ARID1B: variants seen among roughly 807,000 people sequenced by gnomAD.
ARID1B encodes AT-rich interactive domain-containing protein 1B.
A neutral mutation model predicts 212.3 loss-of-function variants in ARID1B; 30 were observed. The ratio of observed to expected loss-of-function variants is 0.14; its 90% CI spans 0.11 to 0.19. The LOEUF (loss-of-function observed/expected upper bound fraction) is 0.19. ARID1B is among the 10% of genes least tolerant of loss of function. The probability of loss-of-function intolerance (pLI) is 1.00; values close to 1 mark genes in which losing one functional copy is unlikely to be tolerated. For missense variants in ARID1B, 2,891 were observed against 3,204.0 expected, an observed-to-expected ratio of 0.90 and a Z score of 2.36; for synonymous variants, 1,402 against 1,301.7, an observed-to-expected ratio of 1.08 and a Z score of -1.66.
At chr6:157,064,820 T>G (rs2128415427) in intron 4 of ARID1B, among the ~76,000 whole-genome samples, 1 of 152,306 alleles carries the variant, frequency 6.6e-6, no homozygotes, top group African/African-American at 2.4e-5. Context: ...CCCCCTGCCC[T>G]TCAGCCCCGG....
At chr6:156,959,718 A>G (rs1165702186) in intron 4 of ARID1B, among the ~76,000 whole-genome samples, 1 of 152,052 alleles carries the variant, frequency 6.6e-6, no homozygotes, top group Admixed American at 6.5e-5. Context: ...TCCTTTTTAA[A>G]TATATGACCA....
upstream of ARID1B, chr6:156,776,896 G>A (rs1357101802): frequency 1.3e-5 from 2 of 151,424 alleles, no homozygotes; most frequent in Non-Finnish European, 3.0e-5. Context: ...CCGATGGCCC[G>A]AAATCAAGGC....
rs371872657 is a variant in ARID1B, at chr6:157,196,247, C to T, written c.4314C>T (p.Ser1438=). 8.9e-5 allele frequency: 144 copies of T among 1,613,326 alleles called. No individual in the cohort carries two copies. Among genetic ancestry groups the T allele is most frequent in the Middle Eastern group, 3.3e-4 (2 of 6,082 alleles). The change falls in exon 16 of 20, where the codon TCC becomes TCT. Residue 1438 remains serine (S), a synonymous_variant. Coordinates refer to ENST00000636930, the MANE Select transcript of ARID1B (RefSeq NM_001374828.1). ...AGGACATGTACAACCAAAGTCCCTC[C>T]GGAGCAATGTCTAACCTGGGCATGG... ...SMQDMYNQSP[S]GAMSNLGMGQ...
intron 7 of ARID1B, among the ~76,000 whole-genome samples, chr6:157,141,822 T>C (rs1271457822): frequency 2.0e-5 from 3 of 152,172 alleles, no homozygotes; most frequent in Non-Finnish European, 4.4e-5. Context: ...TCTCACACAG[T>C]ATTTGATGGG....
At chr6:156,808,169 A>T (rs1781311274) in intron 1 of ARID1B, among the ~76,000 whole-genome samples, 1 of 152,210 alleles carries the variant, frequency 6.6e-6, no homozygotes, top group Non-Finnish European at 1.5e-5. Context: ...TAATTGAGAG[A>T]TGAGAGCGTT....
chr6:157,094,391 G>C lies in ARID1B; in HGVS notation c.2491+9486G>C, dbSNP rs1017607994. The stretch of plus-strand genomic sequence containing the variant: ...TCTTTTTGAGAAGGAGTCTCACTCT[G>C]TCTTCCAGGCTAGAGTACAGTGGCA... On this transcript the variant is annotated intron_variant, in intron 5 of 19. Transcript: ENST00000636930. The surrounding 1 kb of genome is among the most constrained non-coding windows in gnomAD (Gnocchi z 4.3). 6.6e-6 allele frequency among the ~76,000 whole-genome samples: 1 copy of C among 152,114 alleles called. No individual in the cohort carries two copies. Among genetic ancestry groups the C allele is most frequent in the Admixed American group, 6.6e-5 (1 of 15,256 alleles).
intron 4 of ARID1B, among the ~76,000 whole-genome samples, chr6:156,984,215 C>T (rs2128386151): frequency 6.6e-6 from 1 of 152,258 alleles, no homozygotes. Flanking sequence ...CATGCTCCCA[C>T]AGCAGTCCGG....
intron 8 of ARID1B, among the ~76,000 whole-genome samples, chr6:157,157,893 C>G (rs555771198): frequency 6.6e-6 from 1 of 152,266 alleles, no homozygotes; most frequent in African/African-American, 2.4e-5. Flanking sequence ...CATGGTAGCG[C>G]ACACCTCTAG....
chr6:156,930,151 A>G (rs1791581183), intron 3 of ARID1B, among the ~76,000 whole-genome samples: 2 of 152,184 alleles, frequency 1.3e-5, no homozygotes, highest in South Asian at 4.1e-4. Context: ...CTCATGTCTA[A>G]TTGTAATCCT....
At chr6:157,101,640 CTTT>C (rs112437534) in intron 5 of ARID1B, among the ~76,000 whole-genome samples, 1 of 145,950 alleles carries the variant, frequency 6.9e-6, no homozygotes, top group Non-Finnish European at 1.5e-5. Context: ...AGTGAGTACT[CTTT>C]TTTTTTTTTA....
chr6:156,831,689 CTT>C (rs1562419579), intron 2 of ARID1B, among the ~76,000 whole-genome samples: 2 of 152,198 alleles, frequency 1.3e-5, no homozygotes, highest in African/African-American at 2.4e-5. Flanking sequence ...CCCTGTGACT[CTT>C]ATACACTTTT....
At chr6:157,036,583 C>T (rs1045039781) in intron 4 of ARID1B, 3 of 302,526 alleles carry the variant, frequency 9.9e-6, no homozygotes, top group Non-Finnish European at 6.5e-6. Flanking sequence ...CCACTACGTC[C>T]ACATGATGGC....
chr6:156,880,437 C>G (rs1786953076), intron 2 of ARID1B, among the ~76,000 whole-genome samples: 1 of 152,082 alleles, frequency 6.6e-6, no homozygotes, highest in Non-Finnish European at 1.5e-5. Context: ...GTAAGTTTTG[C>G]ATAAGACAAA....
In ARID1B at chr6:156,778,092, C is replaced by A. The variant is rs1196439495; in HGVS notation, c.412C>A (p.Pro138Thr). 3 of 1,540,490 alleles carry A rather than the reference C, an allele frequency of 1.9e-6. No homozygotes were observed. Among genetic ancestry groups the A allele is most frequent in the Non-Finnish European group, 2.6e-6 (3 of 1,146,306 alleles). ...AAASSSSSSG[P>T]GSAMETGLLP... ...GGCATCCTCTTCCTCCTCGTCGGGCCCGGGCTCGGCCATGGAGACGGGGCT... is the reference window on the plus strand; with the variant it reads ...GGCATCCTCTTCCTCCTCGTCGGGCACGGGCTCGGCCATGGAGACGGGGCT... The change falls in exon 1 of 20, where the codon CCG becomes ACG. Residue 138 changes from proline (P) to threonine (T), a missense_variant. Pro to Thr is a conservative substitution (Grantham distance 38). Around this residue, in one of 7 missense-constraint regions of ARID1B, gnomAD observed 1,643 missense variants for 1,544.0 expected, o/e 1.06. Coordinates refer to ENST00000636930, the MANE Select transcript of ARID1B (RefSeq NM_001374828.1).
chr6:157,111,592 G>A (rs1407724922), intron 6 of ARID1B, among the ~76,000 whole-genome samples: 2 of 152,138 alleles, frequency 1.3e-5, no homozygotes, highest in African/African-American at 4.8e-5. Flanking sequence ...TATATGAGTT[G>A]TAGAGATGAT....
At chr6:157,075,023 C>T (rs1223578534) in intron 4 of ARID1B, among the ~76,000 whole-genome samples, 11 of 152,088 alleles carry the variant, frequency 7.2e-5, no homozygotes, top group Non-Finnish European at 1.5e-5. Flanking sequence ...GGTTGATGAC[C>T]ACCTCCTTTT....
intron 19 of ARID1B, 103 bp downstream of exon 19, chr6:157,204,099 T>C: frequency 2.8e-6 from 4 of 1,430,600 alleles, no homozygotes; most frequent in South Asian, 2.4e-5. Context: ...GCACTGACCG[T>C]CCAACACTGT....
intron 4 of ARID1B, among the ~76,000 whole-genome samples, chr6:157,039,322 C>CTTTCTTTTTTTTTTTTTTTTTTT (rs1781547108): frequency 9.7e-6 from 1 of 102,976 alleles, no homozygotes; most frequent in Non-Finnish European, 2.0e-5. Flanking sequence ...TTTGACATTT[C>CTTTCTTTTTTTTTTTTTTTTTTT]TTTTTTTTTT....
intron 5 of ARID1B, 38 bp from the exon 6 acceptor site, chr6:157,110,434 G>A (rs879782698): frequency 6.3e-7 from 1 of 1,585,884 alleles, no homozygotes; most frequent in Non-Finnish European, 8.7e-7. Flanking sequence ...TAATGCAAAG[G>A]GTTCCCCCAT....
Sources: allele counts gnomAD v4.1 joint callset (sites outside exome capture counted in the v4.1 genomes callset), GRCh38; gene constraint gnomAD v4.1.1; regional missense constraint gnomAD v4.1.1; non-coding constraint Gnocchi (gnomAD v3.1); transcripts MANE v1.5; gene names NCBI Gene and HGNC (gene_info 2026-07-23, HGNC 2026-07-21).